Variants in SRGAP2B observed in about 807,000 individuals in gnomAD.
SRGAP2B encodes the protein SLIT-ROBO Rho GTPase activating protein 2B, also known as SLIT-ROBO Rho GTPase-activating protein 2B.
In SRGAP2B, 9 loss-of-function variants were observed where a neutral mutation model predicts 22.2. That is an observed-to-expected ratio of 0.41 (90% CI 0.24 to 0.71). The LOEUF is 0.71. SRGAP2B is among the 30% of genes least tolerant of loss of function. SRGAP2B has a pLI of 0.35. For synonymous variants in SRGAP2B, 36 were observed against 87.4 expected (o/e 0.41, Z 3.28); for missense variants, 114 against 235.8 (o/e 0.48, Z 3.38).
At chr1:145,035,872 A>G (rs1159508224) in intron 2 of SRGAP2B, among the ~76,000 whole-genome samples, 1 of 146,550 alleles carries the variant, frequency 6.8e-6, no homozygotes, top group East Asian at 2.0e-4. Context: ...TTTTACTAAA[A>G]CCTTCTTGGG....
At chr1:144,998,421 A>C (rs1670855847) in intron 2 of SRGAP2B, among the ~76,000 whole-genome samples, 1 of 123,784 alleles carries the variant, frequency 8.1e-6, no homozygotes, top group Admixed American at 8.5e-5. Flanking sequence ...GAGGACAGAG[A>C]CAGTAAGAAA....
chr1:144,956,977 G>T (rs1206534024), intron 3 of SRGAP2B, among the ~76,000 whole-genome samples: 2 of 150,476 alleles, frequency 1.3e-5, no homozygotes, highest in African/African-American at 5.0e-5. Context: ...TGATGAGGTG[G>T]GTGTTATTAA....
At chr1:145,046,612 GA>G (rs1273796942) in intron 2 of SRGAP2B, among the ~76,000 whole-genome samples, 73 of 129,430 alleles carry the variant, frequency 5.6e-4, no homozygotes, top group African/African-American at 2.2e-3. Flanking sequence ...GTTACTGGGG[GA>G]AAAAAAAAGA....
chr1:145,021,530 A>G (rs1233838176), intron 2 of SRGAP2B, among the ~76,000 whole-genome samples: 2 of 107,416 alleles, frequency 1.9e-5, no homozygotes, highest in African/African-American at 8.1e-5. Flanking sequence ...TCATTTTGGC[A>G]AGATCCGAAA....
At chr1:144,934,216 C>T (rs587645882) in intron 4 of SRGAP2B, among the ~76,000 whole-genome samples, 1 of 150,280 alleles carries the variant, frequency 6.7e-6, no homozygotes. Context: ...ACTAGCCTGG[C>T]CAACATAGTG....
rs1205460314 is a variant in SRGAP2B, at chr1:145,021,810, G to A, written c.68-26610C>T. On this transcript the variant is annotated intron_variant, in intron 2 of 9. Transcript: ENST00000612199. Reference sequence around the variant, plus strand: ...GCCTGGGCAACAGGAGCAAAACTCCGTCTCAAAAAAAAAAAAAAAAAAGAG... The same window carrying A: ...GCCTGGGCAACAGGAGCAAAACTCCATCTCAAAAAAAAAAAAAAAAAAGAG... Among the ~76,000 whole-genome samples, 557 of 135,410 alleles carry A rather than the reference G, an allele frequency of 4.1e-3. 4 individuals are homozygous for A. Among genetic ancestry groups the A allele is most frequent in the Non-Finnish European group, 6.7e-3 (434 of 64,836 alleles). The allele number at this position is 135,410 out of a possible 152,430, so 88.8% of individuals were successfully genotyped here.
intron 2 of SRGAP2B, among the ~76,000 whole-genome samples, chr1:145,079,870 G>A (rs1652767698): frequency 6.7e-6 from 1 of 149,274 alleles, no homozygotes; most frequent in East Asian, 1.9e-4. Flanking sequence ...CATCCTAAAA[G>A]AGCCTGAAGT....
intron 2 of SRGAP2B, among the ~76,000 whole-genome samples, chr1:145,064,351 G>A (rs1651262851): frequency 6.7e-6 from 1 of 149,288 alleles, no homozygotes; most frequent in South Asian, 2.1e-4. Flanking sequence ...TAAGGTCAAG[G>A]AATCAACATC....
intron 7 of SRGAP2B, among the ~76,000 whole-genome samples, chr1:144,904,138 G>A (rs1662813793): frequency 6.7e-6 from 1 of 148,798 alleles, no homozygotes; most frequent in Non-Finnish European, 1.5e-5. Context: ...GATGTCAGGG[G>A]GAGCTGGATA....
intron 2 of SRGAP2B, among the ~76,000 whole-genome samples, chr1:145,015,280 T>C (rs1330627406): frequency 2.0e-5 from 2 of 100,740 alleles, no homozygotes; most frequent in Admixed American, 2.1e-4. Context: ...GGTTACACCA[T>C]GTTGGCCAGG....
In SRGAP2B at chr1:144,971,486, C is replaced by T. The variant is rs2987950; in HGVS notation, c.261-15885G>A. Among the ~76,000 whole-genome samples the T allele has an allele frequency of 1.6e-4, 24 of 150,324 alleles. 1 individual carries two copies. Among genetic ancestry groups the T allele is most frequent in the African/African-American group, 4.5e-4 (18 of 40,048 alleles). On this transcript the variant is annotated intron_variant, in intron 3 of 9. Coordinates refer to ENST00000612199, the Ensembl canonical transcript of SRGAP2B. Reference sequence around the variant, plus strand: ...GCTCTGTTGCCCAGGTTGGAGTACACGGGCATGACCATGGTTCACTGTAGC... The same window carrying T: ...GCTCTGTTGCCCAGGTTGGAGTACATGGGCATGACCATGGTTCACTGTAGC...
At chr1:144,923,118 C>T (rs587613119) in intron 4 of SRGAP2B, among the ~76,000 whole-genome samples, 48 of 150,602 alleles carry the variant, frequency 3.2e-4, no homozygotes, top group Middle Eastern at 3.4e-3. Flanking sequence ...CGGCCCTCTG[C>T]TCTCCCAGTC....
At chr1:145,020,541 C>A (rs1334750892) in intron 2 of SRGAP2B, among the ~76,000 whole-genome samples, 3 of 146,076 alleles carry the variant, frequency 2.1e-5, no homozygotes, top group Non-Finnish European at 4.5e-5. Context: ...TACTTATTAC[C>A]TTCTAAATAC....
intron 2 of SRGAP2B, among the ~76,000 whole-genome samples, chr1:145,006,098 C>A (rs141067799): frequency 1.3e-5 from 2 of 150,680 alleles, no homozygotes; most frequent in Non-Finnish European, 2.9e-5. Context: ...TCTACCCCTG[C>A]GGCGTGACTC....
chr1:144,965,344 G>A (rs1252288724), intron 3 of SRGAP2B, among the ~76,000 whole-genome samples: 10 of 139,690 alleles, frequency 7.2e-5, no homozygotes, highest in Admixed American at 1.4e-4. Flanking sequence ...TGACCCCCGA[G>A]CAGCCTAACT....
chr1:145,081,013 A>G (rs1300533441), intron 2 of SRGAP2B, among the ~76,000 whole-genome samples: 53 of 148,652 alleles, frequency 3.6e-4, no homozygotes, highest in Admixed American at 1.4e-3. Context: ...ACACTGCATT[A>G]ATTCTTTATT....
intron 2 of SRGAP2B, among the ~76,000 whole-genome samples, chr1:145,025,617 ACT>A (rs1647632973): frequency 1.7e-5 from 1 of 59,344 alleles, no homozygotes; most frequent in South Asian, 9.5e-4. Flanking sequence ...GTATTTCTGT[ACT>A]CTTATAACAC....
intron 4 of SRGAP2B, among the ~76,000 whole-genome samples, chr1:144,933,748 CTCTT>C (rs1481792841): frequency 8.6e-6 from 1 of 116,270 alleles, no homozygotes; most frequent in Non-Finnish European, 1.8e-5. Flanking sequence ...CTTATTTTCT[CTCTT>C]TCTCTGGAAA....
chr1:145,075,712 A>G (rs1480806235), intron 2 of SRGAP2B, among the ~76,000 whole-genome samples: 1 of 141,024 alleles, frequency 7.1e-6, no homozygotes, highest in Non-Finnish European at 1.5e-5. Context: ...ATGAGTAAAC[A>G]GAATATAAAA....
Sources: allele counts gnomAD v4.1 joint callset (sites outside exome capture counted in the v4.1 genomes callset), GRCh38; gene constraint gnomAD v4.1.1; transcripts MANE v1.5; gene names NCBI Gene and HGNC (gene_info 2026-07-23, HGNC 2026-07-21).